PBX1: variants seen among roughly 807,000 people sequenced by gnomAD.
PBX1 encodes the protein PBX homeobox 1.
PBX1 carries 6 observed loss-of-function variants against 53.4 expected under a neutral mutation model. The observed-to-expected ratio is 0.11, with a 90% CI of 0.06 to 0.22. PBX1 has a LOEUF of 0.22. PBX1 is among the 10% of genes least tolerant of loss of function. The probability of loss-of-function intolerance (pLI) is 1.00; values close to 1 mark genes in which losing one functional copy is unlikely to be tolerated. For missense variants in PBX1, 251 were observed against 551.4 expected, an observed-to-expected ratio of 0.46 and a Z score of 5.46; for synonymous variants, 204 against 212.3, an observed-to-expected ratio of 0.96 and a Z score of 0.34.
chr1:164,638,105 A>G (rs1424795390), intron 2 of PBX1, among the ~76,000 whole-genome samples: 2 of 152,182 alleles, frequency 1.3e-5, no homozygotes, highest in Non-Finnish European at 2.9e-5. Context: ...AGTTAAGGGC[A>G]CTCGTACTGC....
chr1:164,709,914 A>C (rs766228883), intron 2 of PBX1, among the ~76,000 whole-genome samples: 7 of 152,168 alleles, frequency 4.6e-5, no homozygotes, highest in Non-Finnish European at 1.0e-4. Context: ...GAAGGAAAGC[A>C]TGGAGATGGG....
At chr1:164,727,690 A>G (rs6675682) in intron 2 of PBX1, among the ~76,000 whole-genome samples, 11,207 of 152,300 alleles carry the variant, frequency 0.074, 613 homozygotes, top group East Asian at 0.16. Context: ...CCACTGCCAC[A>G]TCTGCTATGA....
At chr1:164,861,782 C>A (rs911363072) in intron 2 of PBX1, among the ~76,000 whole-genome samples, 21 of 152,116 alleles carry the variant, frequency 1.4e-4, no homozygotes, top group African/African-American at 5.1e-4. Flanking sequence ...AGGAAATAAA[C>A]CATTAGGTTA....
intron 2 of PBX1, among the ~76,000 whole-genome samples, chr1:164,701,017 C>T (rs1049547113): frequency 9.2e-5 from 14 of 152,192 alleles, no homozygotes; most frequent in Non-Finnish European, 1.8e-4. Flanking sequence ...GCCTCTAAAA[C>T]ATTACGCAAA....
intron 2 of PBX1, among the ~76,000 whole-genome samples, chr1:164,733,745 T>A (rs1487415493): frequency 6.6e-6 from 1 of 152,190 alleles, no homozygotes; most frequent in Non-Finnish European, 1.5e-5. Flanking sequence ...TTTTAATATA[T>A]CCAATTAAAA....
intron 2 of PBX1, among the ~76,000 whole-genome samples, chr1:164,859,744 C>CA (rs768614611): frequency 2.6e-4 from 39 of 152,306 alleles, no homozygotes; most frequent in Non-Finnish European, 5.4e-4. Context: ...TCCTATGTGC[C>CA]AGGCACTGCT....
At chr1:164,581,078 C>A (rs1015997783) in intron 2 of PBX1, among the ~76,000 whole-genome samples, 9 of 152,160 alleles carry the variant, frequency 5.9e-5, no homozygotes, top group African/African-American at 2.2e-4. Context: ...CACACCACCT[C>A]CCTGGTGCAG....
chr1:164,780,258 C>T (rs1020182689), intron 2 of PBX1, among the ~76,000 whole-genome samples: 2 of 152,208 alleles, frequency 1.3e-5, no homozygotes, highest in African/African-American at 4.8e-5. Context: ...GTCTGAAAAT[C>T]AGAGCCTAAT....
At chr1:164,663,232 T>TCCTGCCTG (rs1660607759) in intron 2 of PBX1, among the ~76,000 whole-genome samples, 2 of 142,052 alleles carry the variant, frequency 1.4e-5, no homozygotes, top group Admixed American at 1.4e-4. Flanking sequence ...CTTCCTGCCT[T>TCCTGCCTG]CCTTCCTTCC....
At chr1:164,870,327 T>TTCTTTCTC (rs1396231624) in intron 2 of PBX1, among the ~76,000 whole-genome samples, 1 of 116,968 alleles carries the variant, frequency 8.5e-6, no homozygotes, top group East Asian at 2.3e-4. Context: ...CTTTCTTTCT[T>TTCTTTCTC]TCTTTCTTTC....
At chr1:164,798,672 T>C (rs1320329723) in intron 3 of PBX1, among the ~76,000 whole-genome samples, 4 of 152,222 alleles carry the variant, frequency 2.6e-5, no homozygotes, top group Admixed American at 6.5e-5. Context: ...GGAAATATGA[T>C]TTTCAACTCC....
At chr1:164,660,369 A>G (rs1660415042) in intron 2 of PBX1, among the ~76,000 whole-genome samples, 1 of 152,210 alleles carries the variant, frequency 6.6e-6, no homozygotes, top group African/African-American at 2.4e-5. Context: ...AGCACCTGCC[A>G]GGGAGCTGAG....
At chr1:164,772,586 A>T (rs1318842837) in intron 2 of PBX1, among the ~76,000 whole-genome samples, 1 of 152,208 alleles carries the variant, frequency 6.6e-6, no homozygotes, top group Admixed American at 6.5e-5. Flanking sequence ...TAGAAACCAG[A>T]CTTGTGGCTT....
At chr1:164,686,964 AAACC>A (rs1180459954) in intron 2 of PBX1, among the ~76,000 whole-genome samples, 4 of 151,930 alleles carry the variant, frequency 2.6e-5, no homozygotes, top group Non-Finnish European at 4.4e-5. Flanking sequence ...CCCAAAAAAA[AAACC>A]AAAAAAACGA....
At chr1:164,859,484 C>A (rs910325501) in intron 2 of PBX1, among the ~76,000 whole-genome samples, 1 of 152,176 alleles carries the variant, frequency 6.6e-6, no homozygotes, top group Non-Finnish European at 1.5e-5. Flanking sequence ...CCAGCTCTTT[C>A]ACTTGTAGGT....
intron 2 of PBX1, among the ~76,000 whole-genome samples, chr1:164,667,110 A>G (rs529349589): frequency 6.0e-4 from 92 of 152,204 alleles, no homozygotes; most frequent in Non-Finnish European, 1.0e-3. Context: ...TTCATTGCTC[A>G]CCCTACCCAG....
chr1:164,818,624 A>G (rs1669990228), intron 6 of PBX1: 1 of 152,154 alleles, frequency 6.6e-6, no homozygotes, highest in African/African-American at 2.4e-5. Context: ...AGGACAAAGA[A>G]AATTGGAGTT....
chr1:164,822,363 C>T lies in PBX1; in HGVS notation c.1200+737C>T, dbSNP rs372722541. ...GCTGTTTTTTAGATCAGGGATGATT[C>T]CTGGGCTTTTAGAGGTCACAGGAGG... On this transcript the variant is annotated intron_variant, in intron 8 of 8. Coordinates refer to ENST00000420696, the MANE Select transcript of PBX1 (RefSeq NM_002585.4). Among the ~76,000 whole-genome samples the T allele has an allele frequency of 3.3e-5, 5 of 152,168 alleles. No homozygotes were observed. In the East Asian group the frequency reaches 9.7e-4, roughly 29 times the overall value.
At chr1:164,825,451 G>A (rs754262543) in intron 8 of PBX1, among the ~76,000 whole-genome samples, 8 of 152,138 alleles carry the variant, frequency 5.3e-5, no homozygotes, top group Non-Finnish European at 7.3e-5. Flanking sequence ...ATAAATCAGG[G>A]AGGGGAAGAA....
Sources: gnomAD v4.1 joint callset for allele counts (sites outside exome capture counted in the v4.1 genomes callset) on GRCh38, gnomAD v4.1.1 for gene constraint, MANE v1.5 for transcripts, NCBI Gene and HGNC (gene_info 2026-07-23, HGNC 2026-07-21) for gene names.